Variants in SLC44A5 observed in about 807,000 individuals in gnomAD.
SLC44A5 encodes solute carrier family 44 member 5.
In SLC44A5, 57 loss-of-function variants were observed where a neutral mutation model predicts 101.8. The ratio of observed to expected loss-of-function variants is 0.56; its 90% CI spans 0.45 to 0.70. The LOEUF (loss-of-function observed/expected upper bound fraction) is 0.70. SLC44A5 is among the 30% of genes least tolerant of loss of function. The pLI, the probability that SLC44A5 is intolerant of heterozygous loss-of-function variation, is 0.00. For synonymous variants in SLC44A5, 281 were observed against 290.9 expected (o/e 0.97, Z 0.35); for missense variants, 737 against 853.1 (o/e 0.86, Z 1.70).
intron 2 of SLC44A5, among the ~76,000 whole-genome samples, chr1:75,468,474 G>A (rs1666937030): frequency 6.6e-6 from 1 of 152,144 alleles, no homozygotes. Flanking sequence ...ACACCATGTA[G>A]TACTATTCAG....
chr1:75,330,843 C>A (rs1341026080), intron 4 of SLC44A5, among the ~76,000 whole-genome samples: 4 of 152,130 alleles, frequency 2.6e-5, no homozygotes, highest in East Asian at 3.9e-4. Flanking sequence ...ACTCATACTG[C>A]CAAATCCAAT....
chr1:75,597,439 G>T (rs1397021786), intron 1 of SLC44A5, among the ~76,000 whole-genome samples: 2 of 151,878 alleles, frequency 1.3e-5, no homozygotes, highest in Non-Finnish European at 2.9e-5. Context: ...CACTGAAATA[G>T]AAAAAAATTT....
chr1:75,258,002 C>A (rs1314616504), intron 6 of SLC44A5, among the ~76,000 whole-genome samples: 4 of 152,096 alleles, frequency 2.6e-5, no homozygotes. Flanking sequence ...CTGTATCATG[C>A]ACTCTGGCCC....
chr1:75,690,175 C>T, the SLC44A5 span, among the ~76,000 whole-genome samples: 1 of 152,172 alleles, frequency 6.6e-6, no homozygotes, highest in Non-Finnish European at 1.5e-5. Context: ...AACTGACTCA[C>T]AGTTCTGCAT....
At chr1:75,356,463 TAAAG>T (rs1387835013) in intron 3 of SLC44A5, among the ~76,000 whole-genome samples, 10 of 151,944 alleles carry the variant, frequency 6.6e-5, no homozygotes, top group East Asian at 5.8e-4. Flanking sequence ...AATAAGGATA[TAAAG>T]AAAGAAAATT....
intron 2 of SLC44A5, among the ~76,000 whole-genome samples, chr1:75,526,550 A>G (rs994255851): frequency 6.6e-6 from 1 of 152,184 alleles, no homozygotes; most frequent in South Asian, 2.1e-4. Flanking sequence ...ATGAACAAGA[A>G]ATACATGTCT....
At chr1:75,485,184 A>G (rs1430971624) in intron 2 of SLC44A5, among the ~76,000 whole-genome samples, 1 of 152,192 alleles carries the variant, frequency 6.6e-6, no homozygotes, top group African/African-American at 2.4e-5. Flanking sequence ...TCACACAATC[A>G]AGCTGCACAT....
At chr1:75,470,193 T>TA (rs1223136418) in intron 2 of SLC44A5, among the ~76,000 whole-genome samples, 1 of 152,114 alleles carries the variant, frequency 6.6e-6, no homozygotes, top group African/African-American at 2.4e-5. Context: ...CAATACTTTT[T>TA]AAAAAAATTG....
chr1:75,606,252 A>G (rs1675320722), intron 1 of SLC44A5, among the ~76,000 whole-genome samples: 2 of 151,998 alleles, frequency 1.3e-5, no homozygotes, highest in South Asian at 4.1e-4. Flanking sequence ...ATCCATTTCT[A>G]TACCTCTCTT....
chr1:75,614,972 G>A (rs1372721582), upstream of SLC44A5, among the ~76,000 whole-genome samples: 7 of 152,090 alleles, frequency 4.6e-5, no homozygotes, highest in Non-Finnish European at 7.4e-5. Flanking sequence ...CGGGTGGCTT[G>A]CACCTGCTCC....
At chr1:75,499,032 C>T (rs1668810694) in intron 2 of SLC44A5, among the ~76,000 whole-genome samples, 2 of 152,142 alleles carry the variant, frequency 1.3e-5, no homozygotes, top group South Asian at 2.1e-4. Context: ...ATACTTACCA[C>T]AGTGTCCTAG....
At chr1:75,536,066 CT>C in intron 2 of SLC44A5, among the ~76,000 whole-genome samples, 1 of 150,426 alleles carries the variant, frequency 6.6e-6, no homozygotes, top group Non-Finnish European at 1.5e-5. Flanking sequence ...AAAAAAAATC[CT>C]TGAGAAATGG....
chr1:75,446,739 A>G (rs1205330051), intron 2 of SLC44A5, among the ~76,000 whole-genome samples: 1 of 152,116 alleles, frequency 6.6e-6, no homozygotes, highest in African/African-American at 2.4e-5. Flanking sequence ...AATCATGACT[A>G]AATTCTCTCT....
At chr1:75,634,804 T>C in the SLC44A5 span, among the ~76,000 whole-genome samples, 1 of 151,942 alleles carries the variant, frequency 6.6e-6, no homozygotes, top group Non-Finnish European at 1.5e-5. Flanking sequence ...AAAGACAAAA[T>C]TGATAAATGG....
At chr1:75,680,281 C>A in the SLC44A5 span, among the ~76,000 whole-genome samples, 9 of 151,764 alleles carry the variant, frequency 5.9e-5, no homozygotes, top group African/African-American at 1.2e-4. Flanking sequence ...ATCTACAGAA[C>A]TCTCCACCCC....
chr1:75,482,130 T>A (rs986302479), intron 2 of SLC44A5, among the ~76,000 whole-genome samples: 1 of 152,010 alleles, frequency 6.6e-6, no homozygotes, highest in Non-Finnish European at 1.5e-5. Flanking sequence ...GGGACATGGA[T>A]GAAATTGGAA....
chr1:75,486,993 A>G (rs1668185945), intron 2 of SLC44A5, among the ~76,000 whole-genome samples: 2 of 152,232 alleles, frequency 1.3e-5, no homozygotes, highest in Admixed American at 1.3e-4. Context: ...AAATACTTTA[A>G]TTGATATTTT....
intron 1 of SLC44A5, among the ~76,000 whole-genome samples, chr1:75,594,692 T>C (rs1308659196): frequency 1.3e-5 from 2 of 151,816 alleles, no homozygotes; most frequent in Non-Finnish European, 2.9e-5. Flanking sequence ...CTTTTGAAAA[T>C]TAATTAGCTA....
intron 13 of SLC44A5, among the ~76,000 whole-genome samples, chr1:75,227,128 G>T (rs1008787937): frequency 2.0e-5 from 3 of 152,120 alleles, no homozygotes; most frequent in African/African-American, 7.2e-5. Context: ...ATGTTAGAAG[G>T]CTGAGGTGGG....
Sources: gnomAD v4.1 joint callset for allele counts (sites outside exome capture counted in the v4.1 genomes callset) on GRCh38, gnomAD v4.1.1 for gene constraint, MANE v1.5 for transcripts, NCBI Gene and HGNC (gene_info 2026-07-23, HGNC 2026-07-21) for gene names.